DEXI: variants seen among roughly 807,000 people sequenced by gnomAD.
DEXI encodes dexamethasone-induced protein.
DEXI carries 2 observed loss-of-function variants against 2.5 expected under a neutral mutation model. The observed-to-expected ratio is 0.81, with a 90% CI of 0.33 to 2.55. The LOEUF is 2.55. Ranked by LOEUF, DEXI falls within the 30% of genes most tolerant of loss-of-function variation. The pLI, the probability that DEXI is intolerant of heterozygous loss-of-function variation, is 0.11. For missense variants in DEXI, 108 were observed against 130.3 expected (o/e 0.83, Z 0.83); for synonymous variants, 71 against 68.7 (o/e 1.03, Z -0.17).
chr16:10,938,728 T>TGGCTTCCACCACTTCTCCA lies in DEXI; in HGVS notation c.*149+2822_*149+2840dup, dbSNP rs2041062995. On this transcript the variant is annotated intron_variant, in intron 1 of 1. Coordinates refer to ENST00000331808, the MANE Select transcript of DEXI (RefSeq NM_014015.4). This position sits in a 1 kb window ranked among gnomAD's most constrained non-coding sequence, Gnocchi z 4.9. ...GGTGGGGAGGAGGGAAGGCTGTGCATGGCTTCCACCACTTCTCCAGGCCTC... is the reference window on the plus strand; with the variant it reads ...GGTGGGGAGGAGGGAAGGCTGTGCATGGCTTCCACCACTTCTCCAGGCTTCCACCACTTCTCCAGGCCTC... The TGGCTTCCACCACTTCTCCA allele has an allele frequency of 6.6e-6, 1 of 152,224 alleles. No individual in the cohort carries two copies. The highest frequency in any genetic ancestry group is 6.5e-5 in the Admixed American group (1 of 15,280). The allele number at this position is 152,224 out of a possible 1,614,324, so 9.4% of individuals were successfully genotyped here.
rs1489689438 is a variant in DEXI at position 10,941,976 on chromosome 16, C to G, written c.30G>C (p.Leu10=). 2 of 1,521,834 alleles carry G rather than the reference C, an allele frequency of 1.3e-6. No individual in the cohort carries two copies. Among genetic ancestry groups the G allele is most frequent in the Non-Finnish European group, 8.8e-7 (1 of 1,134,940 alleles). 94.3% of individuals were successfully genotyped at this position (1,521,834 alleles called of 1,614,324 possible). A position where few individuals can be genotyped will look rare whatever the true frequency, so the allele number is the denominator to read the frequency against. ...AGGGGACCAGGGGGCCCAGTGCGTC[C>G]AGGTGGGCCGCGACCCGGGCGCCGA... MLGARVAAH[L]DALGPLVPYV... Residue 10 remains leucine, a synonymous_variant, in exon 1 of 2, where the codon CTG becomes CTC. Coordinates refer to ENST00000331808, the MANE Select transcript of DEXI (RefSeq NM_014015.4). The surrounding 1 kb of genome is among the most constrained non-coding windows in gnomAD (Gnocchi z 6.4).
In DEXI at chr16:10,940,620, G is replaced by C. The variant is rs938493783; in HGVS notation, c.*149+949C>G. On this transcript the variant is annotated intron_variant, in intron 1 of 1. Coordinates refer to ENST00000331808, the MANE Select transcript of DEXI (RefSeq NM_014015.4). The surrounding 1 kb of genome is among the most constrained non-coding windows in gnomAD (Gnocchi z 4.2). ...GTGACCCTCACCAGACCTGGCAGCT[G>C]CCTGACAGCTTGTCTGGCTCACGTG... The C allele has an allele frequency of 6.6e-6, 1 of 152,508 alleles. No homozygotes were observed. Among genetic ancestry groups the C allele is most frequent in the Non-Finnish European group, 1.5e-5 (1 of 68,284 alleles). 9.4% of individuals were successfully genotyped at this position (152,508 alleles called of 1,614,324 possible).
In DEXI at chr16:10,929,264, T is replaced by C. The variant is rs1040334611; in HGVS notation, c.*445A>G. 1.0e-6 allele frequency: 1 copy of C among 985,808 alleles called. No homozygotes were observed. The highest frequency in any genetic ancestry group is 6.1e-5 in the Admixed American group (1 of 16,262). 61.1% of individuals were successfully genotyped at this position (985,808 alleles called of 1,614,324 possible). On this transcript the variant is annotated 3_prime_UTR_variant, in exon 2 of 2. Transcript: ENST00000331808. The surrounding 1 kb of genome is among the most constrained non-coding windows in gnomAD (Gnocchi z 4.3). ...TTTTGCGTGTGTCCGCAGTTTGAAG[T>C]GTCCTCTCCGAAGGTGAAGTGGGGG...
At chr16:10,930,883 C>T (rs1414656903) in intron 1 of DEXI, 1 of 152,312 alleles carries the variant, frequency 6.6e-6, no homozygotes, top group Non-Finnish European at 1.5e-5. Context: ...CTGCCCTCCA[C>T]CAGCCTGCTC....
In DEXI at chr16:10,941,653, T is replaced by C; in HGVS notation, c.*65A>G. On this transcript the variant is annotated 3_prime_UTR_variant, in exon 1 of 2. Transcript: ENST00000331808. This position sits in a 1 kb window ranked among gnomAD's most constrained non-coding sequence, Gnocchi z 6.4. ...CCCAACCAGCTGCGGCGGCATGATC[T>C]GGGCGGCTGGTCCAGGGCATGGGTT... 2 of 1,540,022 alleles carry C rather than the reference T, an allele frequency of 1.3e-6. No individual in the cohort carries two copies. Among genetic ancestry groups the C allele is most frequent in the Non-Finnish European group, 1.8e-6 (2 of 1,141,214 alleles).
chr16:10,941,769 G>C lies in DEXI; in HGVS notation c.237C>G (p.Gly79=). ...CGAGCTCCGAGTCAGCATCGTAAAGGCCCGAGCCGGGGTCGGAGAGCACGC... is the reference window on the plus strand; with the variant it reads ...CGAGCTCCGAGTCAGCATCGTAAAGCCCCGAGCCGGGGTCGGAGAGCACGC... ...DLGVLSDPGS[G]LYDADSELDV... is the part of the protein sequence containing the mutation. The change falls in exon 1 of 2, where the codon GGC becomes GGG. Residue 79 remains glycine, a synonymous_variant. Coordinates refer to ENST00000331808, the MANE Select transcript of DEXI (RefSeq NM_014015.4). The surrounding 1 kb of genome is among the most constrained non-coding windows in gnomAD (Gnocchi z 6.4). The C allele has an allele frequency of 5.0e-6, 8 of 1,613,512 alleles. No individual in the cohort carries two copies. Among genetic ancestry groups the C allele is most frequent in the Non-Finnish European group, 5.9e-6 (7 of 1,179,762 alleles).
Position 10,941,896 on chromosome 16 carries a change from T to C in DEXI, c.110A>G (p.Asn37Ser), listed in dbSNP as rs557646448. The C allele has an allele frequency of 1.5e-5, 24 of 1,609,910 alleles. No individual in the cohort carries two copies. The African/African-American group carries it at 2.7e-4, about 18-fold the overall frequency. ...SMFYVGLFFV[N>S]VLILYYAFLM... Reference sequence around the variant, plus strand: ...GAAGGCGTAGTACAGGATCAGCACATTGACGAAGAACAGGCCCACGTAGAA... The same window carrying C: ...GAAGGCGTAGTACAGGATCAGCACACTGACGAAGAACAGGCCCACGTAGAA... Residue 37 changes from asparagine (N) to serine (S), a missense_variant, in exon 1 of 2, where the codon AAT (asparagine) becomes AGT (serine). By Grantham distance (46) the Asn-to-Ser change is conservative (BLOSUM62 1). Coordinates refer to ENST00000331808, the MANE Select transcript of DEXI (RefSeq NM_014015.4). This position sits in a 1 kb window ranked among gnomAD's most constrained non-coding sequence, Gnocchi z 6.4.
intron 1 of DEXI, chr16:10,931,727 A>C (rs1478225557): frequency 6.6e-6 from 1 of 152,216 alleles, no homozygotes; most frequent in Non-Finnish European, 1.5e-5. Flanking sequence ...AAAACAAACA[A>C]ACAAAAATAC....
intron 1 of DEXI, chr16:10,936,342 T>C (rs188083490): frequency 1.3e-5 from 2 of 152,322 alleles, no homozygotes; most frequent in Admixed American, 6.5e-5. Context: ...ACTGTGGTTA[T>C]GCAAATTTGT....
rs2041067439 is a variant in DEXI, at chr16:10,939,120, G to A, written c.*149+2449C>T. On this transcript the variant is annotated intron_variant, in intron 1 of 1. Transcript: ENST00000331808. The surrounding 1 kb of genome is among the most constrained non-coding windows in gnomAD (Gnocchi z 4.9). ...ATATGCAAAGGGCCTAGACACAGGA[G>A]TGCGATACAATCAATGCTCAGTACA... 6.6e-6 allele frequency: 1 copy of A among 152,204 alleles called. No individual in the cohort carries two copies. The highest frequency in any genetic ancestry group is 6.5e-5 in the Admixed American group (1 of 15,280). The allele number at this position is 152,204 out of a possible 1,614,324, so 9.4% of individuals were successfully genotyped here. A position where few individuals can be genotyped will look rare whatever the true frequency, so the allele number is the denominator to read the frequency against.
At position 10,929,645 on chromosome 16, in the gene DEXI, G is replaced by T; in HGVS notation, c.*150-86C>A. The T allele has an allele frequency of 2.3e-6, 2 of 852,292 alleles. No individual in the cohort carries two copies. The highest frequency in any genetic ancestry group is 2.8e-6 in the Non-Finnish European group (2 of 708,694). The allele number at this position is 852,292 out of a possible 1,614,324, so 52.8% of individuals were successfully genotyped here. On this transcript the variant is annotated intron_variant, in intron 1 of 1. Transcript: ENST00000331808. The surrounding 1 kb of genome is among the most constrained non-coding windows in gnomAD (Gnocchi z 4.3). Reference sequence around the variant, plus strand: ...CTGGGGACAGGGACCAATCCACCAGGCTCGGGAGGCTTGGGGTGGGGCAGG... The same window carrying T: ...CTGGGGACAGGGACCAATCCACCAGTCTCGGGAGGCTTGGGGTGGGGCAGG...
Position 10,939,100 on chromosome 16 carries a change from CA to C in DEXI, c.*149+2468del, listed in dbSNP as rs1220554865. 1 of 152,166 alleles carries C rather than the reference CA, an allele frequency of 6.6e-6. No homozygotes were observed. Among genetic ancestry groups the C allele is most frequent in the African/African-American group, 2.4e-5 (1 of 41,442 alleles). 9.4% of individuals were successfully genotyped at this position (152,166 alleles called of 1,614,324 possible). On this transcript the variant is annotated intron_variant, in intron 1 of 1. Transcript: ENST00000331808. This position sits in a 1 kb window ranked among gnomAD's most constrained non-coding sequence, Gnocchi z 4.9. ...TCTGTTGAATGAGTGAGTGCATATG[CA>C]AAGGGCCTAGACACAGGAGTGCGAT...
chr16:10,942,424 A>T lies in DEXI; in HGVS notation c.-419T>A, dbSNP rs1473873516. The T allele has an allele frequency of 6.4e-6, 1 of 157,466 alleles. No homozygotes were observed. The highest frequency in any genetic ancestry group is 1.4e-5 in the Non-Finnish European group (1 of 71,912). 9.8% of individuals were successfully genotyped at this position (157,466 alleles called of 1,614,324 possible). A position where few individuals can be genotyped will look rare whatever the true frequency, so the allele number is the denominator to read the frequency against. ...GCACCCCCCGCGCCCCCGCAGGCCC[A>T]GCACCCATGGCTGCGGCCGCCGCGT... On this transcript the variant is annotated 5_prime_UTR_variant, in exon 1 of 2. Transcript: ENST00000331808. This position sits in a 1 kb window ranked among gnomAD's most constrained non-coding sequence, Gnocchi z 5.0.
chr16:10,931,995 G>A (rs979285627), intron 1 of DEXI: 7 of 152,270 alleles, frequency 4.6e-5, no homozygotes, highest in African/African-American at 1.7e-4. Context: ...AGGAAAAGCT[G>A]CTGACAGTGT....
In DEXI at chr16:10,929,377, G is replaced by C. The variant is rs1315086125; in HGVS notation, c.*332C>G. On this transcript the variant is annotated 3_prime_UTR_variant, in exon 2 of 2. Coordinates refer to ENST00000331808, the MANE Select transcript of DEXI (RefSeq NM_014015.4). The surrounding 1 kb of genome is among the most constrained non-coding windows in gnomAD (Gnocchi z 4.3). ...CCATCGCAGCTGCAAATAATCAGAA[G>C]CCAAGGCCAGGCCATCGATTTGACA... 2 of 985,908 alleles carry C rather than the reference G, an allele frequency of 2.0e-6. No homozygotes were observed. Among genetic ancestry groups the C allele is most frequent in the Non-Finnish European group, 1.2e-6 (1 of 829,950 alleles). 61.1% of individuals were successfully genotyped at this position (985,908 alleles called of 1,614,324 possible). A position where few individuals can be genotyped will look rare whatever the true frequency, so the allele number is the denominator to read the frequency against.
intron 1 of DEXI, chr16:10,930,010 A>C (rs2040711032): frequency 6.6e-6 from 1 of 152,278 alleles, no homozygotes; most frequent in Admixed American, 6.5e-5. Flanking sequence ...ACAGGAAGGC[A>C]ATAGCCACAG....
chr16:10,940,474 A>G lies in DEXI; in HGVS notation c.*149+1095T>C, dbSNP rs2041087274. The G allele has an allele frequency of 6.6e-6, 1 of 152,192 alleles. No homozygotes were observed. Among genetic ancestry groups the G allele is most frequent in the Non-Finnish European group, 1.5e-5 (1 of 68,070 alleles). The allele number at this position is 152,192 out of a possible 1,614,324, so 9.4% of individuals were successfully genotyped here. A position where few individuals can be genotyped will look rare whatever the true frequency, so the allele number is the denominator to read the frequency against. On this transcript the variant is annotated intron_variant, in intron 1 of 1. Transcript: ENST00000331808. The surrounding 1 kb of genome is among the most constrained non-coding windows in gnomAD (Gnocchi z 4.2). ...AATGGCATTAGTGTCCATTTTCCTA[A>G]AGGAGCCCTTGCCCACCATATCTCA...
In DEXI at chr16:10,929,580, G is replaced by A; in HGVS notation, c.*150-21C>T. 1 of 985,256 alleles carries A rather than the reference G, an allele frequency of 1.0e-6. No individual in the cohort carries two copies. The highest frequency in any genetic ancestry group is 1.2e-6 in the Non-Finnish European group (1 of 829,832). 61.0% of individuals were successfully genotyped at this position (985,256 alleles called of 1,614,324 possible). A position where few individuals can be genotyped will look rare whatever the true frequency, so the allele number is the denominator to read the frequency against. On this transcript the variant is annotated intron_variant, in intron 1 of 1. Transcript: ENST00000331808. The surrounding 1 kb of genome is among the most constrained non-coding windows in gnomAD (Gnocchi z 4.3). ...CAGGTCTAACAAGAAGGAAAAAGGGGGGTTATTAGCACGGAAGCCCCACCC... is the reference window on the plus strand; with the variant it reads ...CAGGTCTAACAAGAAGGAAAAAGGGAGGTTATTAGCACGGAAGCCCCACCC...
chr16:10,934,978 G>A lies in DEXI; in HGVS notation c.*150-5419C>T, dbSNP rs1250149342. ...GAAAGGGGGAAGGCTTCCTGGGCTA[G>A]AGCCCCTTCAGGGTCTGACACGCCA... On this transcript the variant is annotated intron_variant, in intron 1 of 1. Transcript: ENST00000331808. This position sits in a 1 kb window ranked among gnomAD's most constrained non-coding sequence, Gnocchi z 4.2. The A allele has an allele frequency of 6.6e-6, 1 of 152,284 alleles. No homozygotes were observed. The highest frequency in any genetic ancestry group is 6.5e-5 in the Admixed American group (1 of 15,292). 9.4% of individuals were successfully genotyped at this position (152,284 alleles called of 1,614,324 possible).
Sources: allele counts gnomAD v4.1 joint callset, GRCh38; gene constraint gnomAD v4.1.1; non-coding constraint Gnocchi (gnomAD v3.1); transcripts MANE v1.5; gene names NCBI Gene and HGNC (gene_info 2026-07-23, HGNC 2026-07-21).